Variants in WDR35 observed in about 807,000 individuals in gnomAD.
WDR35 encodes WD repeat domain 35, also known as WD repeat-containing protein 35.
WDR35 carries 118 observed loss-of-function variants against 158.3 expected under a neutral mutation model. That is an observed-to-expected ratio of 0.75 (90% confidence interval 0.64 to 0.87). The LOEUF is 0.87. WDR35 is among the 40% of genes least tolerant of loss of function. WDR35 has a pLI of 0.00. For synonymous variants in WDR35, 448 were observed against 476.1 expected, an observed-to-expected ratio of 0.94 and a Z score of 0.77; for missense variants, 1,263 against 1,405.8, an observed-to-expected ratio of 0.90 and a Z score of 1.62.
In WDR35 at chr2:19,933,194, T is replaced by C. The variant is rs377297900; in HGVS notation, c.2658+207A>G. ...CTGGTTATAAGTGGGTCACCCCTCA[T>C]GGTAGCACTTTAAGAGGTAAGTGCA... On this transcript the variant is annotated intron_variant, in intron 22 of 26. Transcript: ENST00000281405. Among the ~76,000 whole-genome samples the C allele has an allele frequency of 2.1e-4, 32 of 152,358 alleles. No individual in the cohort carries two copies. The East Asian group carries it at 3.5e-3, about 17-fold the overall frequency.
At chr2:19,980,019 T>G (rs374654259) in intron 4 of WDR35, among the ~76,000 whole-genome samples, 1 of 152,168 alleles carries the variant, frequency 6.6e-6, no homozygotes, top group African/African-American at 2.4e-5. Flanking sequence ...TTAATCCTTC[T>G]TTTACTCACC....
intron 11 of WDR35, among the ~76,000 whole-genome samples, chr2:19,958,005 T>C (rs1412878105): frequency 1.3e-5 from 2 of 152,266 alleles, no homozygotes; most frequent in East Asian, 3.8e-4. Context: ...AATATTTTAA[T>C]GCTAAGGCAT....
intron 25 of WDR35, among the ~76,000 whole-genome samples, chr2:19,924,027 C>T (rs895171010): frequency 5.3e-5 from 8 of 152,138 alleles, no homozygotes; most frequent in Admixed American, 2.0e-4. Context: ...CTGCTTGCAA[C>T]GCCCAGGCCC....
chr2:19,927,074 T>A (rs1670380586), intron 25 of WDR35, among the ~76,000 whole-genome samples: 1 of 152,178 alleles, frequency 6.6e-6, no homozygotes, highest in South Asian at 2.1e-4. Flanking sequence ...ATGAGTAATT[T>A]AATGGTAGCT....
intron 25 of WDR35, 145 bp from the exon 26 acceptor site, chr2:19,914,422 A>C: frequency 9.6e-7 from 1 of 1,039,482 alleles, no homozygotes; most frequent in South Asian, 1.5e-5. Flanking sequence ...GGGAGCACCA[A>C]GAGGAGGAAC....
chr2:19,987,896 A>C (rs1191803), intron 2 of WDR35, among the ~76,000 whole-genome samples: 47,298 of 150,634 alleles, frequency 0.31, 8,515 homozygotes, highest in Middle Eastern at 0.46. Flanking sequence ...ACACATATAT[A>C]TATATACACA....
At chr2:19,942,621 C>T (rs1458951792) in intron 16 of WDR35, among the ~76,000 whole-genome samples, 1 of 146,636 alleles carries the variant, frequency 6.8e-6, no homozygotes, top group African/African-American at 2.5e-5. Context: ...AAAGTTGATC[C>T]ATGAAAAAAA....
chr2:19,938,447 G>A, intron 17 of WDR35, 46 bp from the exon 18 acceptor site: 2 of 1,600,520 alleles, frequency 1.2e-6, no homozygotes, highest in Non-Finnish European at 1.7e-6. Context: ...TTTGCCGTTA[G>A]AGTATGTGTT....
chr2:19,913,418 T>C lies in WDR35; in HGVS notation c.*140A>G. ...ATAAAAATTATTTTATTAACATATATTTTGTGCAAAAATTCAACTATAAAT... is the reference window on the plus strand; with the variant it reads ...ATAAAAATTATTTTATTAACATATACTTTGTGCAAAAATTCAACTATAAAT... On this transcript the variant is annotated 3_prime_UTR_variant, in exon 27 of 27. Coordinates refer to ENST00000281405, the MANE Select transcript of WDR35 (RefSeq NM_020779.4). The C allele has an allele frequency of 1.9e-6, 2 of 1,065,428 alleles. No individual in the cohort carries two copies. Among genetic ancestry groups the C allele is most frequent in the Non-Finnish European group, 1.3e-6 (1 of 742,752 alleles). 66.0% of individuals were successfully genotyped at this position (1,065,428 alleles called of 1,614,324 possible).
chr2:19,948,766 T>C (rs1197637971), intron 13 of WDR35, among the ~76,000 whole-genome samples: 1 of 152,034 alleles, frequency 6.6e-6, no homozygotes, highest in Non-Finnish European at 1.5e-5. Context: ...AACATATTAA[T>C]GATTGCCAGG....
chr2:19,929,384 G>A (rs1670458247), intron 25 of WDR35, among the ~76,000 whole-genome samples: 1 of 152,156 alleles, frequency 6.6e-6, no homozygotes, highest in Admixed American at 6.5e-5. Context: ...AGTGTGATGT[G>A]CATATGGTGA....
intron 25 of WDR35, among the ~76,000 whole-genome samples, chr2:19,916,954 C>T (rs1670008853): frequency 6.6e-6 from 1 of 152,156 alleles, no homozygotes; most frequent in South Asian, 2.1e-4. Flanking sequence ...CAGTGGGTCC[C>T]TGGGACCCAT....
chr2:19,985,651 A>C (rs1249860893), intron 2 of WDR35, among the ~76,000 whole-genome samples: 1 of 151,074 alleles, frequency 6.6e-6, no homozygotes, highest in Non-Finnish European at 1.5e-5. Context: ...TGGGAGGCCC[A>C]GGCGGGCGAG....
In WDR35 at chr2:19,913,409, T is replaced by G. The variant is rs1669894523; in HGVS notation, c.*149A>C. 1.1e-6 allele frequency: 1 copy of G among 898,122 alleles called. No homozygotes were observed. The highest frequency in any genetic ancestry group is 1.7e-5 in the African/African-American group (1 of 58,908). 55.6% of individuals were successfully genotyped at this position (898,122 alleles called of 1,614,324 possible). A position where few individuals can be genotyped will look rare whatever the true frequency, so the allele number is the denominator to read the frequency against. On this transcript the variant is annotated 3_prime_UTR_variant, in exon 27 of 27. Coordinates refer to ENST00000281405, the MANE Select transcript of WDR35 (RefSeq NM_020779.4). ...TGTATTGCCATAAAAATTATTTTAT[T>G]AACATATATTTTGTGCAAAAATTCA...
rs1669919184 is a variant in WDR35, at chr2:19,914,090, G to C, written c.3309C>G (p.Thr1103=). The C allele has an allele frequency of 6.2e-7, 1 of 1,614,128 alleles. No individual in the cohort carries two copies. The part of the protein sequence containing the change: ...QYEDLALEIF[T]KHTSKDNRKP... The stretch of plus-strand genomic sequence containing the variant: ...TTCTGTTATCTTTTGAAGTATGTTT[G>C]GTGAAGATTTCTAAAGCAAGGTCTT... Residue 1103 remains threonine, a synonymous_variant, in exon 26 of 27, where the codon ACC becomes ACG. Transcript: ENST00000281405.
chr2:19,973,836 A>G lies in WDR35; in HGVS notation c.737-128T>C, dbSNP rs796102109. On this transcript the variant is annotated intron_variant, in intron 7 of 26. Coordinates refer to ENST00000281405, the MANE Select transcript of WDR35 (RefSeq NM_020779.4). ...TTTTTAAAAAAACAGGGCTGGGTAC[A>G]ACGGCTCACGCCTATAATCCCAACA... 4 of 1,310,734 alleles carry G rather than the reference A, an allele frequency of 3.1e-6. No individual in the cohort carries two copies. In the South Asian group the frequency reaches 3.9e-5, roughly 13 times the overall value. 81.2% of individuals were successfully genotyped at this position (1,310,734 alleles called of 1,614,324 possible).
Position 19,914,062 on chromosome 2 carries a change from G to A in WDR35, c.3337C>T (p.Pro1113Ser). The A allele has an allele frequency of 6.2e-7, 1 of 1,614,074 alleles. No homozygotes were observed. Among genetic ancestry groups the A allele is most frequent in the South Asian group, 1.1e-5 (1 of 91,080 alleles). The change falls in exon 26 of 27, where the codon CCT becomes TCT. Residue 1113 changes from proline (P) to serine (S), a missense_variant. Coordinates refer to ENST00000281405, the MANE Select transcript of WDR35 (RefSeq NM_020779.4). ...TKHTSKDNRK[P>S]ELDSLMEGGE... The stretch of plus-strand genomic sequence containing the variant: ...CCTTCCATAAGGCTGTCCAATTCAG[G>A]TTTTCTGTTATCTTTTGAAGTATGT...
chr2:19,943,401 TACTAGCTAA>T (rs1302644442), intron 16 of WDR35, among the ~76,000 whole-genome samples: 1 of 152,108 alleles, frequency 6.6e-6, no homozygotes, highest in Non-Finnish European at 1.5e-5. Flanking sequence ...TATGCTGATA[TACTAGCTAA>T]TGTAGCATTA....
At chr2:19,982,373 T>A in intron 3 of WDR35, 90 bp downstream of exon 3, 2 of 1,215,144 alleles carry the variant, frequency 1.6e-6, no homozygotes, top group Admixed American at 3.8e-5. Flanking sequence ...TTACCATTAT[T>A]TAAAATGTTG....
Sources: gnomAD v4.1 joint callset for allele counts (sites outside exome capture counted in the v4.1 genomes callset) on GRCh38, gnomAD v4.1.1 for gene constraint, MANE v1.5 for transcripts, NCBI Gene and HGNC (gene_info 2026-07-23, HGNC 2026-07-21) for gene names.